DNAJA2: variants seen among roughly 807,000 people sequenced by gnomAD.
DNAJA2 encodes the protein dnaJ homolog subfamily A member 2.
A neutral mutation model predicts 49.3 loss-of-function variants in DNAJA2; 6 were observed. The observed-to-expected ratio is 0.12, with a 90% confidence interval of 0.07 to 0.24. DNAJA2 has a LOEUF of 0.24. DNAJA2 is among the 10% of genes least tolerant of loss of function. The pLI is 1.00. For synonymous variants in DNAJA2, 160 were observed against 172.7 expected (o/e 0.93, Z 0.58); for missense variants, 347 against 516.8 (o/e 0.67, Z 3.19).
At chr16:46,958,264 A>T (rs1279235004) in intron 8 of DNAJA2, among the ~76,000 whole-genome samples, 1 of 150,862 alleles carries the variant, frequency 6.6e-6, no homozygotes, top group African/African-American at 2.4e-5. Context: ...AAAAAGAAAG[A>T]AACTTGGCTG....
intron 1 of DNAJA2, chr16:46,972,386 ATGGCTC>A (rs1962065432): frequency 1.3e-5 from 2 of 156,508 alleles, no homozygotes; most frequent in Admixed American, 1.3e-4. Flanking sequence ...CCTGCTCCCG[ATGGCTC>A]ACGCCTTCCT....
chr16:46,973,498 C>T lies in DNAJA2; in HGVS notation c.75G>A (p.Lys25=), dbSNP rs747874850. 1 of 1,602,846 alleles carries T rather than the reference C, an allele frequency of 6.2e-7. No homozygotes were observed. The highest frequency in any genetic ancestry group is 8.5e-7 in the Non-Finnish European group (1 of 1,177,444). The change falls in exon 1 of 9, where the codon AAG becomes AAA. Residue 25 remains lysine, a synonymous_variant. Transcript: ENST00000317089. ...CGCCCGGCCCGCTCCCAGATACCTT[C>T]TTCAGCTCGTTCTCGCTGGCGCCGG... ...VPPGASENEL[K]KAYRKLAKEY... is the part of the protein sequence containing the mutation.
At chr16:46,958,017 T>C (rs566280505) in intron 8 of DNAJA2, among the ~76,000 whole-genome samples, 1 of 152,246 alleles carries the variant, frequency 6.6e-6, no homozygotes, top group South Asian at 2.1e-4. Context: ...AAATATACTT[T>C]AAAATTGAAA....
chr16:46,960,905 G>A (rs1388906151), intron 6 of DNAJA2, among the ~76,000 whole-genome samples: 2 of 152,058 alleles, frequency 1.3e-5, no homozygotes, highest in Admixed American at 6.6e-5. Context: ...GAGGCAGGAC[G>A]ATCCCTTGAG....
chr16:46,962,760 G>A (rs1360625011), intron 6 of DNAJA2, among the ~76,000 whole-genome samples: 2 of 152,180 alleles, frequency 1.3e-5, no homozygotes, highest in African/African-American at 4.8e-5. Flanking sequence ...TTTGCTATCT[G>A]TAGGGTTGGC....
Position 46,972,058 on chromosome 16 carries a change from A to G in DNAJA2, c.79-103T>C. Reference sequence around the variant, plus strand: ...TTCTGAGAAGTAATGTTCTAGAGTTATAACCTTTCAAAAATATTTTCTATT... The same window carrying G: ...TTCTGAGAAGTAATGTTCTAGAGTTGTAACCTTTCAAAAATATTTTCTATT... On this transcript the variant is annotated intron_variant, in intron 1 of 8. Coordinates refer to ENST00000317089, the MANE Select transcript of DNAJA2 (RefSeq NM_005880.4). The G allele has an allele frequency of 4.9e-6, 4 of 816,110 alleles. No homozygotes were observed. In the South Asian group the frequency reaches 5.9e-5, roughly 12 times the overall value. The allele number at this position is 816,110 out of a possible 1,614,324, so 50.6% of individuals were successfully genotyped here. A position where few individuals can be genotyped will look rare whatever the true frequency, so the allele number is the denominator to read the frequency against.
chr16:46,963,227 G>C (rs375530177), intron 6 of DNAJA2, among the ~76,000 whole-genome samples: 10 of 152,210 alleles, frequency 6.6e-5, no homozygotes, highest in South Asian at 6.2e-4. Context: ...TACAAAGCTA[G>C]AGTCCTATCA....
At chr16:46,966,260 A>G (rs934031701) in intron 5 of DNAJA2, among the ~76,000 whole-genome samples, 3 of 152,208 alleles carry the variant, frequency 2.0e-5, no homozygotes, top group African/African-American at 7.2e-5. Context: ...AAAATAAAGT[A>G]AAATGCCAAG....
chr16:46,958,033 A>G (rs1217725977), intron 8 of DNAJA2, among the ~76,000 whole-genome samples: 1 of 152,226 alleles, frequency 6.6e-6, no homozygotes. Context: ...TGAAAGTAAC[A>G]TGACTATTAA....
intron 6 of DNAJA2, among the ~76,000 whole-genome samples, chr16:46,959,990 C>G (rs1339513170): frequency 6.6e-6 from 1 of 152,204 alleles, no homozygotes; most frequent in Non-Finnish European, 1.5e-5. Context: ...CTAGGTAATG[C>G]AAAAGGTATT....
chr16:46,965,825 C>T (rs1016079063), intron 5 of DNAJA2, among the ~76,000 whole-genome samples: 3 of 144,972 alleles, frequency 2.1e-5, no homozygotes, highest in South Asian at 2.2e-4. Context: ...AGCAAGACTC[C>T]GTCTCACAAA....
chr16:46,959,162 T>C (rs1961859856), intron 7 of DNAJA2, 32 bp from the exon 8 acceptor site: 1 of 1,579,792 alleles, frequency 6.3e-7, no homozygotes, highest in Non-Finnish European at 8.6e-7. Context: ...TTAATAATTT[T>C]ACCCAAAAGA....
rs1439549969 is a variant in DNAJA2 at position 46,967,625 on chromosome 16, A to G, written c.465T>C (p.Ala155=). The G allele has an allele frequency of 6.2e-7, 1 of 1,614,148 alleles. No individual in the cohort carries two copies. Among genetic ancestry groups the G allele is most frequent in the South Asian group, 1.1e-5 (1 of 91,086 alleles). The change falls in exon 5 of 9, where the codon GCT becomes GCC. Residue 155 remains alanine, a synonymous_variant. Coordinates refer to ENST00000317089, the MANE Select transcript of DNAJA2 (RefSeq NM_005880.4). ...CTCGACAAGCACTACACTTTTGGACAGCTCCAGACTTTCCGCCTTGGCTAA... is the reference window on the plus strand; with the variant it reads ...CTCGACAAGCACTACACTTTTGGACGGCTCCAGACTTTCCGCCTTGGCTAA... ...ACSGQGGKSG[A]VQKCSACRGR...
chr16:46,962,308 T>C (rs529583321), intron 6 of DNAJA2, among the ~76,000 whole-genome samples: 1 of 152,320 alleles, frequency 6.6e-6, no homozygotes, highest in East Asian at 1.9e-4. Context: ...CCAATTTAAT[T>C]ATGCAGCAAC....
At chr16:46,964,123 C>T (rs1337123798) in intron 6 of DNAJA2, among the ~76,000 whole-genome samples, 1 of 152,090 alleles carries the variant, frequency 6.6e-6, no homozygotes, top group Non-Finnish European at 1.5e-5. Context: ...CTTTTAATCC[C>T]AGCACTTTGG....
intron 8 of DNAJA2, among the ~76,000 whole-genome samples, chr16:46,958,049 T>C (rs1265976197): frequency 6.6e-6 from 1 of 152,174 alleles, no homozygotes; most frequent in Non-Finnish European, 1.5e-5. Flanking sequence ...ATTAAGAAAC[T>C]TGAAGTCGGC....
chr16:46,966,938 T>C (rs748103357), intron 5 of DNAJA2, among the ~76,000 whole-genome samples: 1 of 152,194 alleles, frequency 6.6e-6, no homozygotes, highest in South Asian at 2.1e-4. Flanking sequence ...AAGGTTATAT[T>C]TGATAAAGAA....
rs1042028563 is a variant in DNAJA2 at position 46,971,806 on chromosome 16, A to AT, written c.138+89dup. The AT allele has an allele frequency of 1.1e-5, 13 of 1,231,508 alleles. No homozygotes were observed. In the African/African-American group the frequency reaches 1.2e-4, roughly 11 times the overall value. The allele number at this position is 1,231,508 out of a possible 1,614,324, so 76.3% of individuals were successfully genotyped here. On this transcript the variant is annotated intron_variant, in intron 2 of 8. Transcript: ENST00000317089. ...AATGTGGCTGTGTGGGCATAGTTGG[A>AT]TTTTTTTCCTGCAACATTCCTCTTT...
chr16:46,957,326 TG>T (rs1430538166), intron 8 of DNAJA2, 106 bp from the exon 9 acceptor site: 2 of 1,103,832 alleles, frequency 1.8e-6, no homozygotes, highest in African/African-American at 1.6e-5. Context: ...AGGGGCTGGG[TG>T]TGGTGGTTCA....
Sources: gnomAD v4.1 joint callset for allele counts (sites outside exome capture counted in the v4.1 genomes callset) on GRCh38, gnomAD v4.1.1 for gene constraint, MANE v1.5 for transcripts, NCBI Gene and HGNC (gene_info 2026-07-23, HGNC 2026-07-21) for gene names.